Variants in SNTB2 observed in about 807,000 individuals in gnomAD.
The protein encoded by SNTB2 is beta-2-syntrophin.
SNTB2 carries 34 observed loss-of-function variants against 46.2 expected under a neutral mutation model. The ratio of observed to expected loss-of-function variants is 0.74; its 90% confidence interval spans 0.56 to 0.98. The LOEUF is 0.98. Among genes scored for constraint, SNTB2 ranks in the 50% least tolerant of loss-of-function variants. The pLI is 0.00. For missense variants in SNTB2, 603 were observed against 731.4 expected (o/e 0.82, Z 2.02); for synonymous variants, 290 against 312.6 (o/e 0.93, Z 0.76).
chr16:69,215,994 A>T (rs1261991193), intron 1 of SNTB2, among the ~76,000 whole-genome samples: 2 of 152,084 alleles, frequency 1.3e-5, no homozygotes, highest in Non-Finnish European at 2.9e-5. Context: ...ATTTGTAGAG[A>T]TGAGGGTGGG....
At chr16:69,226,821 G>A (rs1597179421) in intron 1 of SNTB2, among the ~76,000 whole-genome samples, 1 of 152,202 alleles carries the variant, frequency 6.6e-6, no homozygotes, top group African/African-American at 2.4e-5. Flanking sequence ...GTGAGCCATG[G>A]TGCATGGCCC....
rs1465156531 is a variant in SNTB2 at position 69,303,973 on chromosome 16, C to G, written c.*3049C>G. 1 of 152,176 alleles carries G rather than the reference C, an allele frequency of 6.6e-6. No individual in the cohort carries two copies. The highest frequency in any genetic ancestry group is 6.5e-5 in the Admixed American group (1 of 15,270). The allele number at this position is 152,176 out of a possible 1,614,324, so 9.4% of individuals were successfully genotyped here. A position where few individuals can be genotyped will look rare whatever the true frequency, so the allele number is the denominator to read the frequency against. ...TGCAGAATAGTGTCTGCTCCCCATT[C>G]AGAGGGACTGCTTCCTGTGCCCCCC... On this transcript the variant is annotated 3_prime_UTR_variant, in exon 7 of 7. Coordinates refer to ENST00000336278, the MANE Select transcript of SNTB2 (RefSeq NM_006750.4).
At chr16:69,260,795 A>G (rs893265613) in intron 3 of SNTB2, among the ~76,000 whole-genome samples, 2 of 152,220 alleles carry the variant, frequency 1.3e-5, no homozygotes, top group Admixed American at 1.3e-4. Flanking sequence ...GCAGCAGGCT[A>G]TAGTTGATTC....
intron 1 of SNTB2, among the ~76,000 whole-genome samples, chr16:69,225,080 C>T (rs1285773019): frequency 1.3e-5 from 2 of 152,196 alleles, no homozygotes; most frequent in African/African-American, 4.8e-5. Context: ...TCAGTTAATT[C>T]TGCCTATTTG....
chr16:69,192,357 A>T (rs1319282029), intron 1 of SNTB2, among the ~76,000 whole-genome samples: 1 of 152,218 alleles, frequency 6.6e-6, no homozygotes, highest in African/African-American at 2.4e-5. Flanking sequence ...CTGCCTGTGC[A>T]TCCAAAAATT....
chr16:69,200,666 T>C (rs927185749), intron 1 of SNTB2, among the ~76,000 whole-genome samples: 8 of 152,160 alleles, frequency 5.3e-5, no homozygotes, highest in African/African-American at 1.9e-4. Flanking sequence ...TTGTTTCGTT[T>C]ATTTATTTTA....
chr16:69,301,145 T>C lies in SNTB2; in HGVS notation c.*221T>C. The C allele has an allele frequency of 2.4e-6, 1 of 423,694 alleles. No homozygotes were observed. Among genetic ancestry groups the C allele is most frequent in the South Asian group, 5.4e-5 (1 of 18,402 alleles). 26.2% of individuals were successfully genotyped at this position (423,694 alleles called of 1,614,324 possible). On this transcript the variant is annotated 3_prime_UTR_variant, in exon 7 of 7. Coordinates refer to ENST00000336278, the MANE Select transcript of SNTB2 (RefSeq NM_006750.4). ...ACTCTAAAAGGCTCCAAAATGAAGCTGTTGATTTATTCTCATTTCAAAATA... is the reference window on the plus strand; with the variant it reads ...ACTCTAAAAGGCTCCAAAATGAAGCCGTTGATTTATTCTCATTTCAAAATA...
At chr16:69,236,776 A>G (rs962047133) in intron 1 of SNTB2, among the ~76,000 whole-genome samples, 4 of 151,898 alleles carry the variant, frequency 2.6e-5, no homozygotes, top group Non-Finnish European at 5.9e-5. Context: ...GGTAGGCTAG[A>G]GAACAATTTC....
intron 2 of SNTB2, among the ~76,000 whole-genome samples, chr16:69,252,903 G>GTTTTTTTT (rs35211076): frequency 7.5e-6 from 1 of 133,290 alleles, no homozygotes; most frequent in Non-Finnish European, 1.6e-5. Flanking sequence ...CCCTTTGTCA[G>GTTTTTTTT]TTTTTTTTTT....
At chr16:69,263,575 T>C (rs1459287069) in intron 3 of SNTB2, among the ~76,000 whole-genome samples, 1 of 151,926 alleles carries the variant, frequency 6.6e-6, no homozygotes, top group African/African-American at 2.4e-5. Context: ...TGCGCCACCA[T>C]GCTCAGCTAA....
At chr16:69,198,965 C>T (rs183643708) in intron 1 of SNTB2, among the ~76,000 whole-genome samples, 73 of 147,898 alleles carry the variant, frequency 4.9e-4, no homozygotes, top group African/African-American at 1.7e-3. Context: ...GGCACGATCT[C>T]GGCTCACTGC....
At chr16:69,230,994 C>CGG (rs1460268227) in intron 1 of SNTB2, 3 of 151,990 alleles carry the variant, frequency 2.0e-5, no homozygotes, top group Non-Finnish European at 4.4e-5. Context: ...CCGCCCGCCT[C>CGG]GGCCTCCCAA....
At chr16:69,286,626 A>C (rs1965105131) in intron 5 of SNTB2, among the ~76,000 whole-genome samples, 1 of 151,852 alleles carries the variant, frequency 6.6e-6, no homozygotes. Flanking sequence ...TCAAGGCTGC[A>C]GTGAGCTATG....
chr16:69,257,376 A>G (rs951976610), intron 2 of SNTB2, among the ~76,000 whole-genome samples: 1 of 151,866 alleles, frequency 6.6e-6, no homozygotes, highest in African/African-American at 2.4e-5. Flanking sequence ...GAACTTTCAA[A>G]TATGGACTTT....
chr16:69,223,929 C>G (rs745682326), intron 1 of SNTB2, among the ~76,000 whole-genome samples: 1 of 151,940 alleles, frequency 6.6e-6, no homozygotes, highest in Admixed American at 6.6e-5. Flanking sequence ...CACACCCGGC[C>G]GACAGTTCTT....
chr16:69,280,336 C>T (rs1016756674), intron 4 of SNTB2, among the ~76,000 whole-genome samples: 25 of 152,246 alleles, frequency 1.6e-4, no homozygotes, highest in African/African-American at 6.0e-4. Context: ...TTCCACAAAA[C>T]CGCCATTGTC....
chr16:69,281,294 C>A (rs1434122265), intron 4 of SNTB2, among the ~76,000 whole-genome samples: 1 of 151,066 alleles, frequency 6.6e-6, no homozygotes, highest in South Asian at 2.1e-4. Flanking sequence ...TGCAATGGCG[C>A]GATCTCGGCT....
chr16:69,257,221 C>A (rs1449918095), intron 2 of SNTB2, among the ~76,000 whole-genome samples: 1 of 151,066 alleles, frequency 6.6e-6, no homozygotes, highest in Admixed American at 6.6e-5. Flanking sequence ...ACCTGCTATT[C>A]AAGATCCTCT....
chr16:69,228,234 G>C (rs1399226770), intron 1 of SNTB2, among the ~76,000 whole-genome samples: 2 of 151,892 alleles, frequency 1.3e-5, no homozygotes, highest in Non-Finnish European at 2.9e-5. Flanking sequence ...GACCGGCCGC[G>C]GTGGCTGATG....
Sources: gnomAD v4.1 joint callset for allele counts (sites outside exome capture counted in the v4.1 genomes callset) on GRCh38, gnomAD v4.1.1 for gene constraint, MANE v1.5 for transcripts, NCBI Gene and HGNC (gene_info 2026-07-23, HGNC 2026-07-21) for gene names.